The following SELENOO variants were observed in gnomAD, a reference collection of about 807,000 sequenced individuals.
SELENOO encodes the protein protein adenylyltransferase SelO, mitochondrial.
Under a neutral mutation model 58.7 loss-of-function variants are expected in SELENOO, and 74 were observed. That is an observed-to-expected ratio of 1.26 (90% CI 1.04 to 1.53). SELENOO has a LOEUF of 1.53. Among genes scored for constraint, SELENOO ranks in the 40% most tolerant of loss-of-function variants. The pLI, the probability that SELENOO is intolerant of heterozygous loss-of-function variation, is 0.00. For missense variants in SELENOO, 1,149 were observed against 970.0 expected, an observed-to-expected ratio of 1.18 and a Z score of -2.45; for synonymous variants, 543 against 453.2, an observed-to-expected ratio of 1.20 and a Z score of -2.52.
chr22:50,215,647 GGTC>G, intron 5 of SELENOO, 67 bp from the exon 6 acceptor site: 3 of 1,167,592 alleles, frequency 2.6e-6, no homozygotes, highest in Non-Finnish European at 2.3e-6. Context: ...GGGGGGGGGG[GGTC>G]TGTGTGGCAC....
Position 50,208,656 on chromosome 22 carries a change from C to T in SELENOO, c.879C>T (p.Pro293=), listed in dbSNP as rs115291919. The T allele has an allele frequency of 1.3e-3, 2,106 of 1,613,808 alleles. 28 individuals are homozygous for T. The African/African-American group carries it at 0.025, about 19-fold the overall frequency. Reference sequence around the variant, plus strand: ...ACTATGTCATCAGCTCCTTTTACCCCGAGATCCAGGCTGCTCATGCCAGCG... The same window carrying T: ...ACTATGTCATCAGCTCCTTTTACCCTGAGATCCAGGCTGCTCATGCCAGCG... ...LLDYVISSFY[P]EIQAAHASDS... The change falls in exon 3 of 9, where the codon CCC becomes CCT. Residue 293 remains proline (P), a synonymous_variant. Coordinates refer to ENST00000380903, the MANE Select transcript of SELENOO (RefSeq NM_031454.2).
chr22:50,216,420 G>A (rs1403767144), intron 6 of SELENOO, among the ~76,000 whole-genome samples: 1 of 152,254 alleles, frequency 6.6e-6, no homozygotes, highest in Non-Finnish European at 1.5e-5. Flanking sequence ...CATTAAACTC[G>A]GGAGGTGGAG....
Position 50,201,520 on chromosome 22 carries a change from G to A in SELENOO, c.484G>A (p.Glu162Lys). The change falls in exon 1 of 9, where the codon GAG (glutamate) becomes AAG (lysine). Residue 162 changes from glutamate (E) to lysine (K), a missense_variant. By Grantham distance (56) the Glu-to-Lys change is moderately conservative. Transcript: ENST00000380903. ...LGDGAAMYLG[E>K]VCTATGERWE... The stretch of plus-strand genomic sequence containing the variant: ...CGACGGCGCCGCCATGTACCTGGGC[G>A]AGGTGTGCACGGCGACCGGCGAGCG... 2 of 1,426,458 alleles carry A rather than the reference G, an allele frequency of 1.4e-6. No homozygotes were observed. Among genetic ancestry groups the A allele is most frequent in the Non-Finnish European group, 1.8e-6 (2 of 1,088,898 alleles). The allele number at this position is 1,426,458 out of a possible 1,614,324, so 88.4% of individuals were successfully genotyped here. A position where few individuals can be genotyped will look rare whatever the true frequency, so the allele number is the denominator to read the frequency against.
At chr22:50,209,243 G>C (rs1033912236) in intron 3 of SELENOO, 1 of 152,990 alleles carries the variant, frequency 6.5e-6, no homozygotes, top group Admixed American at 6.5e-5. Flanking sequence ...AGCATCAGCG[G>C]GGTCAGGCCA....
chr22:50,208,157 C>T (rs1442407108), intron 2 of SELENOO, among the ~76,000 whole-genome samples: 2 of 152,072 alleles, frequency 1.3e-5, no homozygotes, highest in African/African-American at 2.4e-5. Flanking sequence ...ACAGGCCAGG[C>T]GCGGTGGCTC....
chr22:50,204,925 G>C (rs2064323760), intron 1 of SELENOO, among the ~76,000 whole-genome samples: 1 of 152,262 alleles, frequency 6.6e-6, no homozygotes, highest in African/African-American at 2.4e-5. Flanking sequence ...TAAGAAAGAA[G>C]ATGCTGATAT....
chr22:50,215,339 G>A (rs961462032), intron 5 of SELENOO, among the ~76,000 whole-genome samples: 3 of 152,028 alleles, frequency 2.0e-5, no homozygotes, highest in African/African-American at 4.8e-5. Context: ...CTGCCTGGGC[G>A]GTGGATGGGT....
intron 4 of SELENOO, 139 bp downstream of exon 4, chr22:50,210,450 A>G (rs1043344915): frequency 7.4e-6 from 10 of 1,355,188 alleles, no homozygotes; most frequent in Non-Finnish European, 1.0e-5. Context: ...TAGGAAGTAG[A>G]GAGTCCAGGG....
At position 50,217,409 on chromosome 22, in the gene SELENOO, C is replaced by A. The variant is rs754409129; in HGVS notation, c.*40C>A. ...TCCACACCCCTGGAGTCTCCCGAGG[C>A]CCCCATGTGCTGCTGAGTGGCCAAG... On this transcript the variant is annotated 3_prime_UTR_variant, in exon 9 of 9. Coordinates refer to ENST00000380903, the MANE Select transcript of SELENOO (RefSeq NM_031454.2). 3.1e-6 allele frequency: 5 copies of A among 1,600,912 alleles called. No individual in the cohort carries two copies. Among genetic ancestry groups the A allele is most frequent in the East Asian group, 2.2e-5 (1 of 44,652 alleles).
chr22:50,210,671 G>A lies in SELENOO; in HGVS notation c.1111G>A (p.Gly371Ser), dbSNP rs749302718. The A allele has an allele frequency of 3.2e-5, 51 of 1,612,988 alleles. No homozygotes were observed. Among genetic ancestry groups the A allele is most frequent in the South Asian group, 3.1e-4 (28 of 91,080 alleles). Residue 371 changes from glycine to serine, a missense_variant, in exon 5 of 9, where the codon GGC becomes AGC. Physicochemically the swap from Gly to Ser is moderately conservative, Grantham distance 56 (BLOSUM62 0). Coordinates refer to ENST00000380903, the MANE Select transcript of SELENOO (RefSeq NM_031454.2). ...CGTGTGCAATGCCTCCGACAACACCGGCCGCTACGCGTACAGCAAGCAGCC... is the reference window on the plus strand; with the variant it reads ...CGTGTGCAATGCCTCCGACAACACCAGCCGCTACGCGTACAGCAAGCAGCC... ...DHVCNASDNT[G>S]RYAYSKQPEV...
chr22:50,215,366 G>A (rs962875408), intron 5 of SELENOO, among the ~76,000 whole-genome samples: 2 of 151,978 alleles, frequency 1.3e-5, no homozygotes, highest in Non-Finnish European at 2.9e-5. Flanking sequence ...TGAGGAGTGG[G>A]GTGTGGAGGG....
rs779498141 is a variant in SELENOO, at chr22:50,210,837, TG to T, written c.1280del (p.Gly427AlafsTer23). The T allele has an allele frequency of 1.2e-6, 2 of 1,613,994 alleles. No homozygotes were observed. The highest frequency in any genetic ancestry group is 3.3e-5 in the Admixed American group (2 of 60,006). On this transcript the variant is annotated frameshift_variant, in exon 5 of 9. Coordinates refer to ENST00000380903, the MANE Select transcript of SELENOO (RefSeq NM_031454.2). LOFTEE classifies it high-confidence loss of function. ...RHYLQKMRRK[L>X]GLVQVELEED... Reference sequence around the variant, plus strand: ...TACCTGCAGAAGATGCGCAGGAAGCTGGGCCTCGTGCAGGTGGAGCTGGAGG... The same window carrying T: ...TACCTGCAGAAGATGCGCAGGAAGCTGGCCTCGTGCAGGTGGAGCTGGAGG...
rs1251971657 is a variant in SELENOO, at chr22:50,201,372, C to T, written c.336C>T (p.Pro112=). Residue 112 remains proline (P), a synonymous_variant, in exon 1 of 9, where the codon CCC becomes CCT. Coordinates refer to ENST00000380903, the MANE Select transcript of SELENOO (RefSeq NM_031454.2). ...ALALLGLGAP[P]AREAEAEAAL... is the part of the protein sequence containing the mutation. The stretch of plus-strand genomic sequence containing the variant: ...CGTTGCTGGGCCTGGGCGCGCCGCC[C>T]GCGCGCGAGGCCGAGGCCGAGGCCG... The T allele has an allele frequency of 4.1e-6, 5 of 1,215,450 alleles. No homozygotes were observed. Among genetic ancestry groups the T allele is most frequent in the East Asian group, 3.5e-5 (1 of 28,270 alleles). The allele number at this position is 1,215,450 out of a possible 1,614,324, so 75.3% of individuals were successfully genotyped here. A position where few individuals can be genotyped will look rare whatever the true frequency, so the allele number is the denominator to read the frequency against.
chr22:50,201,240 G>C lies in SELENOO; in HGVS notation c.204G>C (p.Glu68Asp). The part of the protein sequence containing the change: ...LPVEAPPPGP[E>D]GAPSAPRPVP... ...TGGAGGCGCCGCCGCCCGGTCCCGA[G>C]GGCGCCCCGTCCGCGCCGCGGCCCG... Residue 68 changes from glutamate (E) to aspartate (D), a missense_variant, in exon 1 of 9, where the codon GAG becomes GAC. Coordinates refer to ENST00000380903, the MANE Select transcript of SELENOO (RefSeq NM_031454.2). 8 of 1,115,766 alleles carry C rather than the reference G, an allele frequency of 7.2e-6. No homozygotes were observed. Among genetic ancestry groups the C allele is most frequent in the Non-Finnish European group, 8.7e-6 (8 of 916,062 alleles). 69.1% of individuals were successfully genotyped at this position (1,115,766 alleles called of 1,614,324 possible).
At position 50,217,303 on chromosome 22, in the gene SELENOO, G is replaced by A. The variant is rs773450156; in HGVS notation, c.1944G>A (p.Arg648=). 2 of 1,612,780 alleles carry A rather than the reference G, an allele frequency of 1.2e-6. No individual in the cohort carries two copies. Among genetic ancestry groups the A allele is most frequent in the Admixed American group, 1.7e-5 (1 of 59,958 alleles). Residue 648 remains arginine, a synonymous_variant, in exon 9 of 9, where the codon AGG becomes AGA. Transcript: ENST00000380903. ...EATEADGADG[R]QRSYSSKPPL... ...CGGAAGCCGACGGGGCGGACGGCAG[G>A]CAGCGCTCCTACAGCAGTAAGCCCC...
intron 5 of SELENOO, among the ~76,000 whole-genome samples, chr22:50,213,063 G>T (rs1037737340): frequency 6.6e-6 from 1 of 152,158 alleles, no homozygotes; most frequent in African/African-American, 2.4e-5. Flanking sequence ...GGTATGTTGT[G>T]GGTTTTTTTG....
Position 50,216,878 on chromosome 22 carries a change from T to C in SELENOO, c.1688+2T>C, listed in dbSNP as rs770118241. 4 of 1,606,754 alleles carry C rather than the reference T, an allele frequency of 2.5e-6. No individual in the cohort carries two copies. Among genetic ancestry groups the C allele is most frequent in the Non-Finnish European group, 3.4e-6 (4 of 1,179,516 alleles). On this transcript the variant is annotated splice_donor_variant, in intron 7 of 8. Coordinates refer to ENST00000380903, the MANE Select transcript of SELENOO (RefSeq NM_031454.2). LOFTEE classifies it high-confidence loss of function. Reference sequence around the variant, plus strand: ...GGCTGACTGGCTACAGGCGTACAGGTGAGCCCTGCGTCCATGGTCACCGGG... The same window carrying C: ...GGCTGACTGGCTACAGGCGTACAGGCGAGCCCTGCGTCCATGGTCACCGGG...
Position 50,210,253 on chromosome 22 carries a change from G to A in SELENOO, c.1012G>A (p.Asp338Asn), listed in dbSNP as rs780133528. 5.6e-5 allele frequency: 91 copies of A among 1,613,352 alleles called. No individual in the cohort carries two copies. Among genetic ancestry groups the A allele is most frequent in the Non-Finnish European group, 6.8e-5 (80 of 1,179,962 alleles). The part of the protein sequence containing the change: ...VGFCHGVLNT[D>N]NMSILGLTID... ...CTTCTGCCACGGCGTGCTCAACACC[G>A]ACAACATGAGCATCCTGGGGCTCAC... is the stretch of plus-strand genomic sequence containing the variant. The change falls in exon 4 of 9, where the codon GAC becomes AAC. Residue 338 changes from aspartate (D) to asparagine (N), a missense_variant. Asp to Asn is a conservative substitution (Grantham distance 23, BLOSUM62 1). Transcript: ENST00000380903.
chr22:50,201,145 G>C lies in SELENOO; in HGVS notation c.109G>C (p.Ala37Pro). Residue 37 changes from alanine (A) to proline (P), a missense_variant, in exon 1 of 9, where the codon GCC becomes CCC. Coordinates refer to ENST00000380903, the MANE Select transcript of SELENOO (RefSeq NM_031454.2). ...GCCCCGCTCTACGTTGTCGGGCGCC[G>C]CCATGGAGCCCGCGCCTCGCTGGCT... ...PAPRSTLSGA[A>P]MEPAPRWLAG... 7.8e-7 allele frequency: 1 copy of C among 1,278,604 alleles called. No individual in the cohort carries two copies. Among genetic ancestry groups the C allele is most frequent in the African/African-American group, 1.6e-5 (1 of 63,966 alleles). The allele number at this position is 1,278,604 out of a possible 1,614,324, so 79.2% of individuals were successfully genotyped here. A position where few individuals can be genotyped will look rare whatever the true frequency, so the allele number is the denominator to read the frequency against.
Sources: gnomAD v4.1 joint callset for allele counts (sites outside exome capture counted in the v4.1 genomes callset) on GRCh38, gnomAD v4.1.1 for gene constraint, MANE v1.5 for transcripts, NCBI Gene and HGNC (gene_info 2026-07-23, HGNC 2026-07-21) for gene names.